SLC39A6: variants seen among roughly 807,000 people sequenced by gnomAD.
The protein encoded by SLC39A6 is zinc transporter ZIP6.
A neutral mutation model predicts 63.5 loss-of-function variants in SLC39A6; 51 were observed. That is an observed-to-expected ratio of 0.80 (90% CI 0.64 to 1.01). SLC39A6 has a LOEUF of 1.01. Ranked by LOEUF, SLC39A6 falls within the 50% of genes least tolerant of loss-of-function variation. The probability of loss-of-function intolerance (pLI) is 0.00; values close to 1 mark genes in which losing one functional copy is unlikely to be tolerated. For missense variants in SLC39A6, 805 were observed against 927.8 expected (o/e 0.87, Z 1.72); for synonymous variants, 318 against 324.7 (o/e 0.98, Z 0.22).
chr18:36,117,501 A>G (rs959782654), intron 5 of SLC39A6, among the ~76,000 whole-genome samples: 3 of 152,218 alleles, frequency 2.0e-5, no homozygotes, highest in African/African-American at 7.2e-5. Flanking sequence ...ATACCATACC[A>G]GAGATATTGT....
chr18:36,126,975 C>T lies in SLC39A6; in HGVS notation c.33G>A (p.Leu11=). The T allele has an allele frequency of 1.9e-6, 3 of 1,613,632 alleles. No individual in the cohort carries two copies. The highest frequency in any genetic ancestry group is 2.5e-6 in the Non-Finnish European group (3 of 1,179,742). Residue 11 remains leucine, a synonymous_variant, in exon 2 of 10, where the codon CTG becomes CTA. Transcript: ENST00000269187. ...GATTTGTGACAGAGAGGGCAAAGGTCAGGATCAAGATTACAGATAACTTCC... is the reference window on the plus strand; with the variant it reads ...GATTTGTGACAGAGAGGGCAAAGGTTAGGATCAAGATTACAGATAACTTCC... The part of the protein sequence containing the change: MARKLSVILI[L]TFALSVTNPL...
rs1284472371 is a variant in SLC39A6 at position 36,111,785 on chromosome 18, A to T, written c.1925-536T>A. Among the ~76,000 whole-genome samples, 3 of 152,226 alleles carry T rather than the reference A, an allele frequency of 2.0e-5. No homozygotes were observed. The East Asian group carries it at 5.8e-4, about 29-fold the overall frequency. On this transcript the variant is annotated intron_variant, in intron 8 of 9. Transcript: ENST00000269187. ...AAGGCGTGAGCCACTGCACCTGGCC[A>T]GATACCTTAACCAAAAAAATTTTTT... is the stretch of plus-strand genomic sequence containing the variant.
chr18:36,113,484 C>A lies in SLC39A6; in HGVS notation c.1843+613G>T, dbSNP rs77282221. Reference sequence around the variant, plus strand: ...GGAAGAGCACTCGACTCCCAGGGAGCCAAGGCCAGGCCTAGCTATAACACA... The same window carrying A: ...GGAAGAGCACTCGACTCCCAGGGAGACAAGGCCAGGCCTAGCTATAACACA... On this transcript the variant is annotated intron_variant, in intron 7 of 9. Transcript: ENST00000269187. Among the ~76,000 whole-genome samples, 650 of 152,278 alleles carry A rather than the reference C, an allele frequency of 4.3e-3. 6 individuals are homozygous for A. Among genetic ancestry groups the A allele is most frequent in the African/African-American group, 0.015 (606 of 41,558 alleles).
At chr18:36,119,793 A>T (rs2089376661) in intron 5 of SLC39A6, among the ~76,000 whole-genome samples, 1 of 152,058 alleles carries the variant, frequency 6.6e-6, no homozygotes, top group African/African-American at 2.4e-5. Flanking sequence ...AGGTGGGAGG[A>T]TTGCTTAAAT....
At position 36,126,620 on chromosome 18, in the gene SLC39A6, A is replaced by T; in HGVS notation, c.388T>A (p.Ser130Thr). The T allele has an allele frequency of 2.5e-6, 4 of 1,614,072 alleles. No individual in the cohort carries two copies. Among genetic ancestry groups the T allele is most frequent in the Non-Finnish European group, 3.4e-6 (4 of 1,179,936 alleles). The change falls in exon 2 of 10, where the codon TCT becomes ACT. Residue 130 changes from serine to threonine, a missense_variant. Transcript: ENST00000269187. ...HEHHSDHDHH[S>T]HHNHAASGKN... is the part of the protein sequence containing the mutation. ...CCAGAAGCAGCATGATTATGGTGAG[A>T]GTGATGATCATGGTCAGAGTGATGC...
intron 9 of SLC39A6, among the ~76,000 whole-genome samples, chr18:36,110,436 CA>C (rs200342744): frequency 0.21 from 17,231 of 80,880 alleles, 1,107 homozygotes; most frequent in South Asian, 0.29. Flanking sequence ...ATCAACAATC[CA>C]AAAAAAAAAA....
intron 5 of SLC39A6, among the ~76,000 whole-genome samples, chr18:36,117,997 C>A (rs2144504316): frequency 6.6e-6 from 1 of 150,614 alleles, no homozygotes; most frequent in East Asian, 2.0e-4. Flanking sequence ...CGCCACTGCA[C>A]TCCAGCCGGG....
intron 5 of SLC39A6, among the ~76,000 whole-genome samples, chr18:36,121,161 T>C (rs551362549): frequency 6.6e-6 from 1 of 152,064 alleles, no homozygotes; most frequent in South Asian, 2.1e-4. Flanking sequence ...CTTTTCTTTT[T>C]TTTTTTTTAT....
rs751990520 is a variant in SLC39A6, at chr18:36,116,673, C to T, written c.1465+1G>A. On this transcript the variant is annotated splice_donor_variant, in intron 6 of 9. Coordinates refer to ENST00000269187, the MANE Select transcript of SLC39A6 (RefSeq NM_012319.4). LOFTEE classifies it high-confidence loss of function. ...CCTAAAATTTATGCATAAGAACTTA[C>T]GATCATCTGTATCTACTTTCTCCTC... 13 of 1,597,534 alleles carry T rather than the reference C, an allele frequency of 8.1e-6. No homozygotes were observed. Among genetic ancestry groups the T allele is most frequent in the African/African-American group, 2.7e-5 (2 of 74,566 alleles).
At chr18:36,125,942 A>G (rs556408201) in intron 2 of SLC39A6, among the ~76,000 whole-genome samples, 5 of 152,194 alleles carry the variant, frequency 3.3e-5, no homozygotes, top group African/African-American at 1.2e-4. Context: ...GATAGCCTTG[A>G]TATCTTTCTC....
At chr18:36,112,899 T>A (rs1307889795) in intron 7 of SLC39A6, among the ~76,000 whole-genome samples, 1 of 152,178 alleles carries the variant, frequency 6.6e-6, no homozygotes, top group African/African-American at 2.4e-5. Flanking sequence ...ATAAACTGTT[T>A]AAAAGGTTTA....
rs1280658382 is a variant in SLC39A6 at position 36,124,815 on chromosome 18, AAATC to A, written c.790-119_790-116del. 5 of 849,334 alleles carry A rather than the reference AAATC, an allele frequency of 5.9e-6. No homozygotes were observed. In the Admixed American group the frequency reaches 1.5e-4, roughly 26 times the overall value. The allele number at this position is 849,334 out of a possible 1,614,324, so 52.6% of individuals were successfully genotyped here. A position where few individuals can be genotyped will look rare whatever the true frequency, so the allele number is the denominator to read the frequency against. ...CGTTTTCTCGAGTTAATGAAAATTA[AAATC>A]AACTTCTGTTTTGAGCACTTTGGAA... On this transcript the variant is annotated intron_variant, in intron 2 of 9. Transcript: ENST00000269187.
chr18:36,124,816 A>T, intron 2 of SLC39A6, 116 bp from the exon 3 acceptor site: 2 of 844,672 alleles, frequency 2.4e-6, no homozygotes, highest in Non-Finnish European at 1.7e-6. Context: ...TGAAAATTAA[A>T]ATCAACTTCT....
At chr18:36,119,895 G>C (rs1598709625) in intron 5 of SLC39A6, among the ~76,000 whole-genome samples, 1 of 150,108 alleles carries the variant, frequency 6.7e-6, no homozygotes, top group South Asian at 2.1e-4. Context: ...AAAAGATACT[G>C]TTTTCTTAAA....
At chr18:36,120,059 C>CT (rs576474829) in intron 5 of SLC39A6, among the ~76,000 whole-genome samples, 2 of 151,992 alleles carry the variant, frequency 1.3e-5, no homozygotes, top group Non-Finnish European at 2.9e-5. Flanking sequence ...GAAAACTGAT[C>CT]TTTTTTTTAA....
intron 2 of SLC39A6, among the ~76,000 whole-genome samples, chr18:36,125,009 C>G (rs908377377): frequency 6.6e-6 from 1 of 152,114 alleles, no homozygotes; most frequent in Non-Finnish European, 1.5e-5. Context: ...ACTGTATAAA[C>G]GTATTAAGGA....
At chr18:36,118,676 A>G (rs1202156120) in intron 5 of SLC39A6, among the ~76,000 whole-genome samples, 3 of 152,240 alleles carry the variant, frequency 2.0e-5, no homozygotes, top group Admixed American at 1.3e-4. Flanking sequence ...TCTGTTGAGA[A>G]TAGTGGGCTT....
intron 5 of SLC39A6, among the ~76,000 whole-genome samples, chr18:36,120,669 G>A (rs960858187): frequency 1.3e-5 from 2 of 151,018 alleles, no homozygotes; most frequent in Non-Finnish European, 2.9e-5. Context: ...CTTCTTTTTT[G>A]GGGGGTAGAG....
chr18:36,123,072 G>A (rs2089407274), intron 4 of SLC39A6, among the ~76,000 whole-genome samples: 1 of 152,176 alleles, frequency 6.6e-6, no homozygotes, highest in Admixed American at 6.5e-5. Flanking sequence ...TGTTTTATGT[G>A]TCATGAAGTG....
Sources: allele counts gnomAD v4.1 joint callset (sites outside exome capture counted in the v4.1 genomes callset), GRCh38; gene constraint gnomAD v4.1.1; transcripts MANE v1.5; gene names NCBI Gene and HGNC (gene_info 2026-07-23, HGNC 2026-07-21).